The following ZNF718 variants were observed in gnomAD, a reference collection of about 807,000 sequenced individuals.
ZNF718 encodes the protein zinc finger protein 718.
ZNF718 carries 3 observed loss-of-function variants against 2.6 expected under a neutral mutation model. That is an observed-to-expected ratio of 1.16 (90% CI 0.53 to 3.01). ZNF718 has a LOEUF of 3.01. ZNF718 is among the 30% of genes most tolerant of loss of function. The pLI is 0.03. For missense variants in ZNF718, 468 were observed against 230.0 expected (o/e 2.03, Z -6.69); for synonymous variants, 135 against 77.9 (o/e 1.73, Z -3.86).
rs193164487 is a variant in ZNF718, at chr4:142,628, A to C, written c.226+11123A>C. Among the ~76,000 whole-genome samples the C allele has an allele frequency of 1.1e-3, 163 of 152,352 alleles. 1 individual carries two copies. Among genetic ancestry groups the C allele is most frequent in the African/African-American group, 3.7e-3 (152 of 41,584 alleles). On this transcript the variant is annotated intron_variant, in intron 3 of 3. Transcript: ENST00000510175. ...AAAGGTATCCCTCATGATAGGCTCT[A>C]TAGCAAATTCTACTGTAAAGGCTAC...
intron 3 of ZNF718, among the ~76,000 whole-genome samples, chr4:188,453 AAGCC>A (rs1341415261): frequency 1.3e-5 from 2 of 152,158 alleles, no homozygotes; most frequent in African/African-American, 2.4e-5. Flanking sequence ...CTGGAATTCC[AAGCC>A]AGTGGGTCTT....
chr4:150,561 G>A (rs967874879), intron 3 of ZNF718, among the ~76,000 whole-genome samples: 18 of 152,054 alleles, frequency 1.2e-4, no homozygotes, highest in African/African-American at 2.9e-4. Flanking sequence ...AGGTTCATCC[G>A]TGTCCTTGCA....
At chr4:134,872 G>A (rs186298069) in intron 3 of ZNF718, among the ~76,000 whole-genome samples, 43 of 152,182 alleles carry the variant, frequency 2.8e-4, no homozygotes, top group African/African-American at 9.9e-4. Flanking sequence ...GATCACTTGA[G>A]CATAGGAGTT....
intron 3 of ZNF718, among the ~76,000 whole-genome samples, chr4:193,776 G>C (rs2108817286): frequency 6.6e-6 from 1 of 152,234 alleles, no homozygotes; most frequent in South Asian, 2.1e-4. Context: ...GCATGGGCTG[G>C]CACTTGCCCC....
At chr4:169,609 C>T (rs1553817585) in intron 3 of ZNF718, among the ~76,000 whole-genome samples, 1 of 152,104 alleles carries the variant, frequency 6.6e-6, no homozygotes. Flanking sequence ...TATGTAATGA[C>T]CTTCTTTGTC....
rs1715402803 is a variant in ZNF718, at chr4:133,198, ATAT to A, written c.226+1694_226+1696del. On this transcript the variant is annotated intron_variant, in intron 3 of 3. Coordinates refer to ENST00000510175, the MANE Select transcript of ZNF718 (RefSeq NM_001039127.6). ...ATCTTAAAAAAAAAAAAAAAAAAAT[ATAT>A]ATATATATATATATATATATATATA... Among the ~76,000 whole-genome samples the A allele has an allele frequency of 3.7e-3, 72 of 19,272 alleles. 5 individuals are homozygous for A. The highest frequency in any genetic ancestry group is 0.01 in the African/African-American group (40 of 3,830). The allele number at this position is 19,272 out of a possible 152,430, so 12.6% of individuals were successfully genotyped here.
intron 4 of ZNF718, chr4:201,441 A>T (rs1270629965): frequency 6.6e-6 from 1 of 152,376 alleles, no homozygotes; most frequent in East Asian, 1.9e-4. Context: ...TAGAGCACTT[A>T]ATTTTCTTTC....
rs1717001123 is a variant in ZNF718, at chr4:163,577, A to T, written c.*1455A>T. 1 of 152,208 alleles carries T rather than the reference A, an allele frequency of 6.6e-6. No homozygotes were observed. 9.4% of individuals were successfully genotyped at this position (152,208 alleles called of 1,614,324 possible). Reference sequence around the variant, plus strand: ...TGCATGATGCATGACGTACATGTTCAGAGTAATATTCTTCTGCATTATAGT... The same window carrying T: ...TGCATGATGCATGACGTACATGTTCTGAGTAATATTCTTCTGCATTATAGT... On this transcript the variant is annotated 3_prime_UTR_variant, in exon 4 of 4. Coordinates refer to ENST00000510175, the MANE Select transcript of ZNF718 (RefSeq NM_001039127.6).
chr4:144,033 T>C (rs922637033), intron 3 of ZNF718, among the ~76,000 whole-genome samples: 1 of 151,994 alleles, frequency 6.6e-6, no homozygotes, highest in East Asian at 1.9e-4. Context: ...ACAGGAAATA[T>C]CCTCTCCATA....
At chr4:180,768 T>C (rs919114158) in intron 3 of ZNF718, among the ~76,000 whole-genome samples, 1 of 152,206 alleles carries the variant, frequency 6.6e-6, no homozygotes, top group Non-Finnish European at 1.5e-5. Flanking sequence ...ATTATTGTGG[T>C]TTTAGTAGCA....
chr4:190,760 A>G (rs913282222), intron 3 of ZNF718, among the ~76,000 whole-genome samples: 4 of 152,214 alleles, frequency 2.6e-5, no homozygotes, highest in African/African-American at 9.6e-5. Context: ...ATTTTTTTCA[A>G]CTGAGCGTGG....
downstream of ZNF718, among the ~76,000 whole-genome samples, chr4:165,919 T>C (rs954167324): frequency 6.6e-6 from 1 of 152,182 alleles, no homozygotes; most frequent in South Asian, 2.1e-4. Context: ...TACATATGTA[T>C]ACATGTGCAC....
chr4:171,162 A>G (rs540048109), intron 3 of ZNF718, among the ~76,000 whole-genome samples: 2 of 152,170 alleles, frequency 1.3e-5, no homozygotes, highest in African/African-American at 4.8e-5. Flanking sequence ...AGAACAGCGG[A>G]TATTGGTGAA....
chr4:153,154 C>T (rs1369792490), intron 3 of ZNF718, among the ~76,000 whole-genome samples: 1 of 147,288 alleles, frequency 6.8e-6, no homozygotes, highest in Non-Finnish European at 1.5e-5. Context: ...ACTCAGTTTT[C>T]CTTGCACTAT....
intron 3 of ZNF718, among the ~76,000 whole-genome samples, chr4:200,926 T>C (rs1429084767): frequency 6.6e-6 from 1 of 152,214 alleles, no homozygotes; most frequent in Non-Finnish European, 1.5e-5. Flanking sequence ...AAAGTGCTCT[T>C]AATTGGATAT....
At position 160,923 on chromosome 4, in the gene ZNF718, C is replaced by T. The variant is rs756293227; in HGVS notation, c.238C>T (p.His80Tyr). 4.0e-6 allele frequency: 3 copies of T among 758,946 alleles called. No individual in the cohort carries two copies. The highest frequency in any genetic ancestry group is 7.3e-6 in the Non-Finnish European group (3 of 411,098). The allele number at this position is 758,946 out of a possible 1,614,324, so 47.0% of individuals were successfully genotyped here. A position where few individuals can be genotyped will look rare whatever the true frequency, so the allele number is the denominator to read the frequency against. The stretch of plus-strand genomic sequence containing the variant: ...TTTATTTCTTTCAGCTGTGTGTTCT[C>T]ATTTCACCCAAAACCTTTGGACAGT... Reference protein sequence around the residue: ...TAARPPAVCSHFTQNLWTVQG... With the variant: ...TAARPPAVCSYFTQNLWTVQG... The change falls in exon 4 of 4, where the codon CAT (histidine) becomes TAT (tyrosine). Residue 80 changes from histidine to tyrosine, a missense_variant. His to Tyr is a moderately conservative substitution (Grantham distance 83). Transcript: ENST00000510175.
At chr4:149,687 C>A (rs1424698618) in intron 3 of ZNF718, 3 of 152,028 alleles carry the variant, frequency 2.0e-5, no homozygotes, top group Admixed American at 2.0e-4. Context: ...AGTGCCCCTC[C>A]TTTGATTATA....
exon 5 of ZNF718, chr4:201,799 G>A: frequency 5.1e-6 from 1 of 194,290 alleles, no homozygotes. Flanking sequence ...CCATTCCTGG[G>A]AAGAGATTCA....
intron 3 of ZNF718, among the ~76,000 whole-genome samples, chr4:171,888 C>G (rs187379909): frequency 6.6e-6 from 1 of 152,304 alleles, no homozygotes; most frequent in East Asian, 1.9e-4. Flanking sequence ...TGAGATGAAC[C>G]CGGTACCTCA....
Sources: gnomAD v4.1 joint callset for allele counts (sites outside exome capture counted in the v4.1 genomes callset) on GRCh38, gnomAD v4.1.1 for gene constraint, MANE v1.5 for transcripts, NCBI Gene and HGNC (gene_info 2026-07-23, HGNC 2026-07-21) for gene names.